Variants in KCNIP4 observed in about 807,000 individuals in gnomAD.
The protein encoded by KCNIP4 is Kv channel-interacting protein 4.
Under a neutral mutation model 34.0 loss-of-function variants are expected in KCNIP4, and 12 were observed. The ratio of observed to expected loss-of-function variants is 0.35; its 90% CI spans 0.23 to 0.57. The LOEUF is 0.57. Ranked by LOEUF, KCNIP4 falls within the 20% of genes least tolerant of loss-of-function variation. The pLI, the probability that KCNIP4 is intolerant of heterozygous loss-of-function variation, is 0.83. For synonymous variants in KCNIP4, 124 were observed against 102.2 expected, an observed-to-expected ratio of 1.21 and a Z score of -1.29; for missense variants, 238 against 311.7, an observed-to-expected ratio of 0.76 and a Z score of 1.78.
At chr4:20,818,562 G>A (rs534760784) in intron 3 of KCNIP4, among the ~76,000 whole-genome samples, 3 of 152,262 alleles carry the variant, frequency 2.0e-5, no homozygotes, top group South Asian at 4.1e-4. Flanking sequence ...GCTGTCTAAT[G>A]AGAGCCTCAT....
chr4:20,995,173 C>T (rs1215979871), intron 1 of KCNIP4, among the ~76,000 whole-genome samples: 1 of 152,108 alleles, frequency 6.6e-6, no homozygotes, highest in Non-Finnish European at 1.5e-5. Flanking sequence ...AAAATGGCTG[C>T]AAAACAGGGT....
At chr4:21,494,108 C>T (rs1732643290) in intron 1 of KCNIP4, among the ~76,000 whole-genome samples, 1 of 152,098 alleles carries the variant, frequency 6.6e-6, no homozygotes, top group Non-Finnish European at 1.5e-5. Context: ...CAAATTGGTC[C>T]AGGTCATCAA....
At chr4:20,992,712 C>A (rs1380447177) in intron 1 of KCNIP4, among the ~76,000 whole-genome samples, 1 of 152,008 alleles carries the variant, frequency 6.6e-6, no homozygotes, top group Non-Finnish European at 1.5e-5. Flanking sequence ...CCTGAACATT[C>A]TCAATGGATG....
At chr4:20,806,835 C>CA (rs1356005183) in intron 3 of KCNIP4, among the ~76,000 whole-genome samples, 1 of 152,034 alleles carries the variant, frequency 6.6e-6, no homozygotes, top group Non-Finnish European at 1.5e-5. Context: ...GGTTTTGAAA[C>CA]AAGGGGTATG....
intron 1 of KCNIP4, among the ~76,000 whole-genome samples, chr4:21,662,086 G>A (rs1257610754): frequency 6.6e-6 from 1 of 152,138 alleles, no homozygotes; most frequent in South Asian, 2.1e-4. Flanking sequence ...CCTGGACAAA[G>A]GGGTATTTGC....
intron 1 of KCNIP4, among the ~76,000 whole-genome samples, chr4:20,986,074 G>A (rs1736547384): frequency 6.6e-6 from 1 of 152,102 alleles, no homozygotes; most frequent in South Asian, 2.1e-4. Flanking sequence ...GCTCACATAT[G>A]GTAGTTGTGG....
chr4:20,781,564 GAA>G (rs1416079989), intron 3 of KCNIP4, among the ~76,000 whole-genome samples: 1 of 152,120 alleles, frequency 6.6e-6, no homozygotes, highest in African/African-American at 2.4e-5. Flanking sequence ...GGCAGCAAGA[GAA>G]AATGAGGAAG....
At chr4:21,787,668 C>T (rs1720000443) in intron 1 of KCNIP4, among the ~76,000 whole-genome samples, 1 of 152,210 alleles carries the variant, frequency 6.6e-6, no homozygotes. Context: ...GATCTTCTCA[C>T]TGATTTGCTT....
intron 1 of KCNIP4, among the ~76,000 whole-genome samples, chr4:21,709,888 A>T (rs1713585755): frequency 6.6e-6 from 1 of 152,222 alleles, no homozygotes; most frequent in Non-Finnish European, 1.5e-5. Flanking sequence ...CTAATGCCAT[A>T]GGCCAAATGC....
chr4:21,011,541 C>G (rs192948135), intron 1 of KCNIP4, among the ~76,000 whole-genome samples: 4 of 152,124 alleles, frequency 2.6e-5, no homozygotes, highest in African/African-American at 7.2e-5. Context: ...TAAATGATTA[C>G]GTATAATTTA....
At chr4:21,433,241 T>C (rs1015120333) in intron 1 of KCNIP4, among the ~76,000 whole-genome samples, 8 of 152,202 alleles carry the variant, frequency 5.3e-5, no homozygotes, top group Admixed American at 2.6e-4. Flanking sequence ...TCTGTTATGA[T>C]TTAGTGATCA....
chr4:21,892,405 T>G (rs1727149179), intron 1 of KCNIP4, among the ~76,000 whole-genome samples: 1 of 151,972 alleles, frequency 6.6e-6, no homozygotes, highest in South Asian at 2.1e-4. Context: ...TAGTGACTGT[T>G]GTAGAACAAT....
At chr4:20,791,170 T>C (rs896829495) in intron 3 of KCNIP4, among the ~76,000 whole-genome samples, 3 of 152,100 alleles carry the variant, frequency 2.0e-5, no homozygotes, top group Admixed American at 6.6e-5. Context: ...TTCCAAATAC[T>C]GAAAGAATAA....
At chr4:21,109,135 C>G (rs1345140041) in intron 1 of KCNIP4, among the ~76,000 whole-genome samples, 1 of 152,120 alleles carries the variant, frequency 6.6e-6, no homozygotes, top group East Asian at 1.9e-4. Flanking sequence ...TCAAAGCTGT[C>G]AGACAGGGAC....
chr4:21,006,332 T>G (rs1177403246), intron 1 of KCNIP4, among the ~76,000 whole-genome samples: 1 of 152,220 alleles, frequency 6.6e-6, no homozygotes, highest in Non-Finnish European at 1.5e-5. Context: ...ATTGGGGAGT[T>G]GCTTCTTGCT....
intron 1 of KCNIP4, among the ~76,000 whole-genome samples, chr4:21,522,959 T>A (rs1297062278): frequency 6.6e-6 from 1 of 151,850 alleles, no homozygotes; most frequent in Non-Finnish European, 1.5e-5. Flanking sequence ...AAGCTGATGG[T>A]GTCAGGAGAT....
chr4:21,585,820 T>A (rs1046806348), intron 1 of KCNIP4, among the ~76,000 whole-genome samples: 2 of 152,034 alleles, frequency 1.3e-5, no homozygotes, highest in African/African-American at 4.8e-5. Flanking sequence ...CTTGAGATAA[T>A]GGAACAGAGA....
chr4:21,353,869 A>G (rs990195623), intron 1 of KCNIP4, among the ~76,000 whole-genome samples: 1 of 152,210 alleles, frequency 6.6e-6, no homozygotes, highest in East Asian at 1.9e-4. Context: ...GGTTGAAATG[A>G]AGGAAAAAGT....
chr4:21,103,863 C>G (rs1172202249), intron 1 of KCNIP4, among the ~76,000 whole-genome samples: 1 of 151,168 alleles, frequency 6.6e-6, no homozygotes, highest in East Asian at 2.0e-4. Flanking sequence ...CGATAGTTTA[C>G]TGAGAATGAT....
Sources: allele counts gnomAD v4.1 joint callset (sites outside exome capture counted in the v4.1 genomes callset), GRCh38; gene constraint gnomAD v4.1.1; transcripts MANE v1.5; gene names NCBI Gene and HGNC (gene_info 2026-07-23, HGNC 2026-07-21).